FGF12: variants seen among roughly 807,000 people sequenced by gnomAD.
FGF12 encodes fibroblast growth factor 12B.
In FGF12, 14 loss-of-function variants were observed where a neutral mutation model predicts 23.6. That is an observed-to-expected ratio of 0.59 (90% CI 0.39 to 0.93). FGF12 has a LOEUF of 0.93. Among genes scored for constraint, FGF12 ranks in the 40% least tolerant of loss-of-function variants. The pLI, the probability that FGF12 is intolerant of heterozygous loss-of-function variation, is 0.00. For missense variants in FGF12, 175 were observed against 217.8 expected (o/e 0.80, Z 1.24); for synonymous variants, 62 against 77.3 (o/e 0.80, Z 1.04).
Position 192,246,778 on chromosome 3 carries a change from T to C in FGF12, c.229-76122A>G, listed in dbSNP as rs549613774. Reference sequence around the variant, plus strand: ...AAGCAGAGATTGCAGTGAGCCAAGATTGTGCCACTGTACTCCAGCCTGGGT... The same window carrying C: ...AAGCAGAGATTGCAGTGAGCCAAGACTGTGCCACTGTACTCCAGCCTGGGT... On this transcript the variant is annotated intron_variant, in intron 4 of 5. Transcript: ENST00000445105. Among the ~76,000 whole-genome samples, 73 of 144,760 alleles carry C rather than the reference T, an allele frequency of 5.0e-4. 2 individuals carry two copies. Among genetic ancestry groups the C allele is most frequent in the African/African-American group, 1.9e-3 (73 of 38,676 alleles). 95.0% of individuals were successfully genotyped at this position (144,760 alleles called of 152,430 possible).
chr3:192,281,297 C>T (rs1443412299), intron 4 of FGF12, among the ~76,000 whole-genome samples: 2 of 152,128 alleles, frequency 1.3e-5, no homozygotes, highest in Non-Finnish European at 2.9e-5. Context: ...AGCCACATCA[C>T]TTCACCCTCT....
chr3:192,718,718 CT>C (rs1180775754), intron 2 of FGF12, among the ~76,000 whole-genome samples: 1 of 152,098 alleles, frequency 6.6e-6, no homozygotes, highest in Non-Finnish European at 1.5e-5. Context: ...CCAAGTAGCA[CT>C]TTTTTCCTCT....
intron 2 of FGF12, among the ~76,000 whole-genome samples, chr3:192,396,375 C>T (rs895270333): frequency 3.3e-5 from 5 of 152,186 alleles, no homozygotes; most frequent in Admixed American, 1.3e-4. Flanking sequence ...GATATTTAAA[C>T]GCATCTACCC....
chr3:192,414,259 C>T (rs1477249963), intron 2 of FGF12, among the ~76,000 whole-genome samples: 1 of 152,156 alleles, frequency 6.6e-6, no homozygotes, highest in African/African-American at 2.4e-5. Flanking sequence ...CACATTGAAT[C>T]CTTACAACAA....
chr3:192,338,026 T>C (rs1717501623), intron 3 of FGF12, among the ~76,000 whole-genome samples: 1 of 152,190 alleles, frequency 6.6e-6, no homozygotes, highest in South Asian at 2.1e-4. Flanking sequence ...TTTATAGAAG[T>C]ACAAAAAGAT....
chr3:192,144,025 T>C lies in FGF12; in HGVS notation c.530A>G (p.Asn177Ser). 3.7e-6 allele frequency: 6 copies of C among 1,609,348 alleles called. No individual in the cohort carries two copies. Among genetic ancestry groups the C allele is most frequent in the Non-Finnish European group, 5.1e-6 (6 of 1,175,732 alleles). Reference sequence around the variant, plus strand: ...AGTTCTCAGCTATGTTGAATCTTGATTCACAACTTTGCCTCCATTCATGGT... The same window carrying C: ...AGTTCTCAGCTATGTTGAATCTTGACTCACAACTTTGCCTCCATTCATGGT... ...TPTMNGGKVVNQDST is the reference protein window; with the variant it reads ...TPTMNGGKVVSQDST Residue 177 changes from asparagine (N) to serine (S), a missense_variant, in exon 6 of 6, where the codon AAT (asparagine) becomes AGT (serine). Coordinates refer to ENST00000445105, the MANE Select transcript of FGF12 (RefSeq NM_004113.6).
chr3:192,488,228 A>G (rs1489195301), intron 2 of FGF12, among the ~76,000 whole-genome samples: 1 of 152,166 alleles, frequency 6.6e-6, no homozygotes, highest in Non-Finnish European at 1.5e-5. Context: ...GGTTCAATAC[A>G]TAATCTTGAA....
At chr3:192,524,369 A>G (rs188522830) in intron 2 of FGF12, among the ~76,000 whole-genome samples, 34 of 152,360 alleles carry the variant, frequency 2.2e-4, no homozygotes, top group African/African-American at 7.9e-4. Flanking sequence ...TTGCCTTTAC[A>G]GTAAACTCTG....
intron 4 of FGF12, among the ~76,000 whole-genome samples, chr3:192,271,203 C>T (rs1713413880): frequency 6.6e-6 from 1 of 152,182 alleles, no homozygotes; most frequent in Non-Finnish European, 1.5e-5. Context: ...TACAGAGCCT[C>T]CTTCATGTCA....
intron 2 of FGF12, among the ~76,000 whole-genome samples, chr3:192,454,408 C>A (rs981945458): frequency 6.6e-6 from 1 of 152,098 alleles, no homozygotes; most frequent in African/African-American, 2.4e-5. Flanking sequence ...AAAGATTTTC[C>A]TGTTTCGTCA....
intron 4 of FGF12, among the ~76,000 whole-genome samples, chr3:192,194,782 T>TGA (rs1716978119): frequency 6.7e-6 from 1 of 149,880 alleles, no homozygotes; most frequent in East Asian, 1.9e-4. Flanking sequence ...AAATGTACGC[T>TGA]TTTTTAGTAA....
chr3:192,392,591 C>CGA (rs67784749), intron 2 of FGF12, among the ~76,000 whole-genome samples: 505 of 41,856 alleles, frequency 0.012, 10 homozygotes, highest in Admixed American at 0.014. Context: ...AGTGAAACTC[C>CGA]GAGAGAGAGA....
chr3:192,247,549 A>G (rs1365287423), intron 4 of FGF12, among the ~76,000 whole-genome samples: 1 of 152,180 alleles, frequency 6.6e-6, no homozygotes, highest in Non-Finnish European at 1.5e-5. Context: ...ATGTGGGTCT[A>G]TATGATGGCA....
At chr3:192,330,209 C>T (rs115079722) in intron 4 of FGF12, among the ~76,000 whole-genome samples, 2 of 152,020 alleles carry the variant, frequency 1.3e-5, no homozygotes, top group Non-Finnish European at 2.9e-5. Context: ...GTTTTTTGCA[C>T]TAATAGAAAA....
At chr3:192,670,460 T>TA (rs952075784) in intron 2 of FGF12, among the ~76,000 whole-genome samples, 1 of 152,102 alleles carries the variant, frequency 6.6e-6, no homozygotes, top group African/African-American at 2.4e-5. Flanking sequence ...TGTTTTAGAG[T>TA]AATCATCACA....
Position 192,333,996 on chromosome 3 carries a change from G to A in FGF12, c.228+1365C>T, listed in dbSNP as rs1717261940. ...AATGAGCTGGGACAAAGTCTTTTGG[G>A]TCTGCAGAGTAAACCATGGTTTGTG... On this transcript the variant is annotated intron_variant, in intron 4 of 5. Transcript: ENST00000445105. Among the ~76,000 whole-genome samples the A allele has an allele frequency of 2.0e-5, 3 of 152,092 alleles. No homozygotes were observed. In the South Asian group the frequency reaches 6.2e-4, roughly 32 times the overall value.
At chr3:192,697,410 C>T (rs1643986090) in intron 2 of FGF12, among the ~76,000 whole-genome samples, 1 of 152,180 alleles carries the variant, frequency 6.6e-6, no homozygotes, top group Non-Finnish European at 1.5e-5. Flanking sequence ...AATGCACATT[C>T]TCTAAGGGGA....
chr3:192,345,965 C>T (rs997620702), intron 3 of FGF12, among the ~76,000 whole-genome samples: 1 of 151,840 alleles, frequency 6.6e-6, no homozygotes, highest in Admixed American at 6.6e-5. Context: ...GAAAATATGA[C>T]TGCCTAATTC....
At chr3:192,337,818 A>C (rs182924559) in intron 3 of FGF12, among the ~76,000 whole-genome samples, 1 of 152,176 alleles carries the variant, frequency 6.6e-6, no homozygotes, top group Non-Finnish European at 1.5e-5. Flanking sequence ...TAAAGTTACC[A>C]TAAGACTATT....
Sources: allele counts gnomAD v4.1 joint callset (sites outside exome capture counted in the v4.1 genomes callset), GRCh38; gene constraint gnomAD v4.1.1; transcripts MANE v1.5; gene names NCBI Gene and HGNC (gene_info 2026-07-23, HGNC 2026-07-21).